The following IL1RL2 variants were observed in gnomAD, a reference collection of about 807,000 sequenced individuals.
IL1RL2 encodes the protein interleukin 1 receptor like 2.
IL1RL2 carries 68 observed loss-of-function variants against 66.8 expected under a neutral mutation model. That is an observed-to-expected ratio of 1.02 (90% CI 0.84 to 1.25). The LOEUF (loss-of-function observed/expected upper bound fraction) is 1.25. Among genes scored for constraint, IL1RL2 ranks in the 50% most tolerant of loss-of-function variants. The probability of loss-of-function intolerance (pLI) is 0.00; values close to 1 mark genes in which losing one functional copy is unlikely to be tolerated. For synonymous variants in IL1RL2, 305 were observed against 264.6 expected, an observed-to-expected ratio of 1.15 and a Z score of -1.48; for missense variants, 729 against 709.3, an observed-to-expected ratio of 1.03 and a Z score of -0.32.
intron 8 of IL1RL2, among the ~76,000 whole-genome samples, chr2:102,224,636 T>C (rs1005828413): frequency 6.6e-6 from 1 of 152,040 alleles, no homozygotes; most frequent in Non-Finnish European, 1.5e-5. Context: ...AGTTTGATAG[T>C]AGGAATGAGA....
intron 8 of IL1RL2, among the ~76,000 whole-genome samples, chr2:102,222,377 T>C (rs958997073): frequency 6.6e-6 from 1 of 152,214 alleles, no homozygotes; most frequent in Non-Finnish European, 1.5e-5. Context: ...TGTAGAGGCA[T>C]CCCTCCAGGA....
chr2:102,195,554 TC>T (rs1687596158), intron 4 of IL1RL2, among the ~76,000 whole-genome samples: 1 of 52,386 alleles, frequency 1.9e-5, no homozygotes, highest in South Asian at 9.2e-4. Context: ...TCTATTTCTT[TC>T]TTTCTCTTTC....
chr2:102,211,890 A>G (rs1422121195), intron 5 of IL1RL2, among the ~76,000 whole-genome samples: 1 of 151,006 alleles, frequency 6.6e-6, no homozygotes, highest in African/African-American at 2.4e-5. Context: ...GCCAAAATGA[A>G]CTCTCTTGAT....
intron 5 of IL1RL2, among the ~76,000 whole-genome samples, chr2:102,206,276 T>C (rs1255598319): frequency 6.6e-6 from 1 of 152,130 alleles, no homozygotes; most frequent in African/African-American, 2.4e-5. Context: ...GAGGAGGTCA[T>C]GTTTTCCTGG....
chr2:102,197,219 G>A (rs972853437), intron 4 of IL1RL2, among the ~76,000 whole-genome samples: 2 of 152,128 alleles, frequency 1.3e-5, no homozygotes, highest in African/African-American at 4.8e-5. Flanking sequence ...ATCTCCTATA[G>A]TGCTCTGCTC....
intron 5 of IL1RL2, among the ~76,000 whole-genome samples, chr2:102,210,253 A>G (rs557144829): frequency 6.6e-6 from 1 of 152,278 alleles, no homozygotes; most frequent in East Asian, 1.9e-4. Flanking sequence ...AAGAGTAGAA[A>G]GCAGGGCTAG....
intron 11 of IL1RL2, 32 bp downstream of exon 11, chr2:102,235,309 C>T (rs751946103): frequency 2.9e-5 from 47 of 1,597,572 alleles, no homozygotes; most frequent in East Asian, 1.1e-4. Context: ...AGGTTTGTCA[C>T]GCACTGATGG....
intron 11 of IL1RL2, 70 bp from the exon 12 acceptor site, chr2:102,239,122 C>A (rs1675117341): frequency 7.1e-7 from 1 of 1,403,618 alleles, no homozygotes; most frequent in Non-Finnish European, 1.0e-6. Flanking sequence ...ATTCCCATGG[C>A]AGGTTTCCTT....
intron 1 of IL1RL2, chr2:102,187,383 G>A: frequency 8.7e-7 from 1 of 1,151,910 alleles, no homozygotes; most frequent in Non-Finnish European, 1.1e-6. Flanking sequence ...CGGGTGTTTG[G>A]GGTTTCTGTT....
chr2:102,187,405 G>A lies in IL1RL2; in HGVS notation c.-13+319G>A, dbSNP rs984926983. The A allele has an allele frequency of 6.0e-5, 68 of 1,136,656 alleles. No individual in the cohort carries two copies. In the African/African-American group the frequency reaches 8.4e-4, roughly 14 times the overall value. The allele number at this position is 1,136,656 out of a possible 1,614,324, so 70.4% of individuals were successfully genotyped here. A position where few individuals can be genotyped will look rare whatever the true frequency, so the allele number is the denominator to read the frequency against. ...TTGGGGTTTCTGTTTAGACCGCCAG[G>A]CTCGGGTGGATCCCGAGGACACAGG... On this transcript the variant is annotated intron_variant, in intron 1 of 11. Coordinates refer to ENST00000264257, the MANE Select transcript of IL1RL2 (RefSeq NM_003854.4).
At chr2:102,241,647 C>T (rs1018515294), downstream of IL1RL2, among the ~76,000 whole-genome samples, 2 of 152,108 alleles carry the variant, frequency 1.3e-5, no homozygotes, top group Non-Finnish European at 2.9e-5. Flanking sequence ...CCAGACAGAC[C>T]CTAAGCTAAG....
chr2:102,242,647 G>A (rs1019908512), downstream of IL1RL2, among the ~76,000 whole-genome samples: 1 of 152,120 alleles, frequency 6.6e-6, no homozygotes, highest in Non-Finnish European at 1.5e-5. Context: ...GGCCTTGAAG[G>A]GATTTGGATG....
intron 4 of IL1RL2, 50 bp downstream of exon 4, chr2:102,192,170 C>T (rs1687288165): frequency 7.7e-7 from 1 of 1,302,380 alleles, no homozygotes; most frequent in Non-Finnish European, 1.1e-6. Flanking sequence ...CTTTAAAACC[C>T]ACTGTTTTTT....
Position 102,192,092 on chromosome 2 carries a change from G to A in IL1RL2, c.461G>A (p.Cys154Tyr). Reference sequence around the variant, plus strand: ...TGTCATCTGCACTTCCCGAAGAGTTGTGTTTTGGGTCCAATAAAGTGGTAT... The same window carrying A: ...TGTCATCTGCACTTCCCGAAGAGTTATGTTTTGGGTCCAATAAAGTGGTAT... ...LTCHLHFPKS[C>Y]VLGPIKWYKD... is the part of the protein sequence containing the mutation. Residue 154 changes from cysteine to tyrosine, a missense_variant, in exon 4 of 12, where the codon TGT (cysteine) becomes TAT (tyrosine). Physicochemically the swap from Cys to Tyr is radical, Grantham distance 194 (BLOSUM62 -2). Transcript: ENST00000264257. 1 of 1,596,570 alleles carries A rather than the reference G, an allele frequency of 6.3e-7. No individual in the cohort carries two copies. The highest frequency in any genetic ancestry group is 8.5e-7 in the Non-Finnish European group (1 of 1,174,852).
At chr2:102,227,574 G>C (rs925040791) in intron 9 of IL1RL2, among the ~76,000 whole-genome samples, 1 of 152,112 alleles carries the variant, frequency 6.6e-6, no homozygotes, top group Non-Finnish European at 1.5e-5. Context: ...CATGGGGAGG[G>C]GGTCTCTGGT....
intron 5 of IL1RL2, among the ~76,000 whole-genome samples, chr2:102,203,803 CT>C (rs1449644475): frequency 6.6e-6 from 1 of 151,926 alleles, no homozygotes; most frequent in Non-Finnish European, 1.5e-5. Flanking sequence ...TATCTCCTCT[CT>C]TTTTTGCTTA....
intron 10 of IL1RL2, 94 bp from the exon 11 acceptor site, chr2:102,234,803 T>A: frequency 8.1e-7 from 1 of 1,239,498 alleles, no homozygotes; most frequent in Non-Finnish European, 1.1e-6. Context: ...AAAAAGTCAA[T>A]TTTCTCCTGG....
chr2:102,221,820 A>G (rs1285653123), intron 8 of IL1RL2, among the ~76,000 whole-genome samples: 2 of 152,242 alleles, frequency 1.3e-5, no homozygotes, highest in Non-Finnish European at 1.5e-5. Context: ...TGTAAGAATC[A>G]GCTGGAATTT....
At chr2:102,240,871 A>G (rs1208816158), downstream of IL1RL2, among the ~76,000 whole-genome samples, 1 of 152,280 alleles carries the variant, frequency 6.6e-6, no homozygotes, top group Non-Finnish European at 1.5e-5. Context: ...CAAGAGGAAA[A>G]GAAAGCAGCT....
Sources: allele counts gnomAD v4.1 joint callset (sites outside exome capture counted in the v4.1 genomes callset), GRCh38; gene constraint gnomAD v4.1.1; transcripts MANE v1.5; gene names NCBI Gene and HGNC (gene_info 2026-07-23, HGNC 2026-07-21).